The following ACTN2 variants were observed in gnomAD, a reference collection of about 807,000 sequenced individuals.
ACTN2 encodes alpha-actinin-2.
ACTN2 carries 39 observed loss-of-function variants against 113.8 expected under a neutral mutation model. That is an observed-to-expected ratio of 0.34 (90% CI 0.27 to 0.45). ACTN2 has a LOEUF of 0.45. ACTN2 is among the 20% of genes least tolerant of loss of function. The probability of loss-of-function intolerance (pLI) is 1.00; values close to 1 mark genes in which losing one functional copy is unlikely to be tolerated. For synonymous variants in ACTN2, 429 were observed against 444.1 expected, an observed-to-expected ratio of 0.97 and a Z score of 0.43; for missense variants, 992 against 1,177.9, an observed-to-expected ratio of 0.84 and a Z score of 2.31.
At position 236,762,819 on chromosome 1, in the gene ACTN2, A is replaced by C. The variant is rs919624008; in HGVS notation, c.*200A>C. 2.1e-5 allele frequency: 13 copies of C among 628,552 alleles called. No homozygotes were observed. Among genetic ancestry groups the C allele is most frequent in the African/African-American group, 1.3e-4 (7 of 54,388 alleles). 38.9% of individuals were successfully genotyped at this position (628,552 alleles called of 1,614,324 possible). A position where few individuals can be genotyped will look rare whatever the true frequency, so the allele number is the denominator to read the frequency against. ...TACAGTATATGACATAGTGCGCTTC[A>C]TAAATAGGTTTATTTCTGAGTTTTT... is the stretch of plus-strand genomic sequence containing the variant. On this transcript the variant is annotated 3_prime_UTR_variant, in exon 21 of 21. Coordinates refer to ENST00000366578, the MANE Select transcript of ACTN2 (RefSeq NM_001103.4).
chr1:236,715,928 C>T (rs754551184), intron 1 of ACTN2, among the ~76,000 whole-genome samples: 4 of 151,976 alleles, frequency 2.6e-5, no homozygotes, highest in East Asian at 1.9e-4. Flanking sequence ...TGCACTCCAG[C>T]CTGGAAGCAA....
intron 1 of ACTN2, among the ~76,000 whole-genome samples, chr1:236,707,709 CTTTTTTTT>C (rs5781919): frequency 3.8e-4 from 30 of 78,760 alleles, no homozygotes; most frequent in Non-Finnish European, 6.1e-4. Context: ...TCTTTTTTTT[CTTTTTTTT>C]TTTTTTTTTT....
Position 236,751,129 on chromosome 1 carries a change from A to G in ACTN2, c.1657-341A>G, listed in dbSNP as rs550339827. On this transcript the variant is annotated intron_variant, in intron 14 of 20. Coordinates refer to ENST00000366578, the MANE Select transcript of ACTN2 (RefSeq NM_001103.4). ...AAAAAAAAAAAAGGAAGTGCCGCTA[A>G]GTTAAGTTCTGCTCGTCAGCAGAAA... Among the ~76,000 whole-genome samples the G allele has an allele frequency of 1.3e-4, 20 of 149,812 alleles. 1 individual carries two copies. The South Asian group carries it at 3.4e-3, about 25-fold the overall frequency.
At chr1:236,695,563 T>TGTCCTC (rs1553296741) in intron 1 of ACTN2, among the ~76,000 whole-genome samples, 1 of 100,796 alleles carries the variant, frequency 9.9e-6, no homozygotes, top group African/African-American at 4.1e-5. Context: ...TGAAATGAGT[T>TGTCCTC]CCCCCCCCCT....
At chr1:236,704,801 C>A (rs1356299020) in intron 1 of ACTN2, among the ~76,000 whole-genome samples, 1 of 152,168 alleles carries the variant, frequency 6.6e-6, no homozygotes, top group Non-Finnish European at 1.5e-5. Flanking sequence ...AAGGAGACCT[C>A]ACTGGATAGG....
chr1:236,722,973 A>G (rs1658445749), intron 4 of ACTN2, among the ~76,000 whole-genome samples: 2 of 152,236 alleles, frequency 1.3e-5, no homozygotes, highest in South Asian at 4.1e-4. Flanking sequence ...TGATTGTAGT[A>G]ACCAATTGAA....
chr1:236,700,776 A>G (rs1194843114), intron 1 of ACTN2, among the ~76,000 whole-genome samples: 1 of 152,196 alleles, frequency 6.6e-6, no homozygotes, highest in Non-Finnish European at 1.5e-5. Context: ...TCTTCGGGAA[A>G]GGTTATTTTT....
intron 20 of ACTN2, 117 bp from the exon 21 acceptor site, chr1:236,762,344 C>T (rs1659731158): frequency 7.4e-7 from 1 of 1,359,068 alleles, no homozygotes; most frequent in African/African-American, 1.4e-5. Flanking sequence ...CAATAGACTC[C>T]CTATTCTTTA....
At chr1:236,705,221 A>T (rs10754581) in intron 1 of ACTN2, among the ~76,000 whole-genome samples, 131,431 of 151,670 alleles carry the variant, frequency 0.87, 57,705 homozygotes, top group South Asian at 0.94. Context: ...TATATATATA[A>T]AAAATATCAC....
chr1:236,718,322 T>C (rs886172605), intron 2 of ACTN2, among the ~76,000 whole-genome samples: 7 of 152,250 alleles, frequency 4.6e-5, no homozygotes, highest in Admixed American at 1.3e-4. Flanking sequence ...AAAAATCTAC[T>C]GTACATGTTG....
chr1:236,758,437 C>T (rs978152705), intron 18 of ACTN2, among the ~76,000 whole-genome samples: 4 of 151,076 alleles, frequency 2.6e-5, no homozygotes, highest in African/African-American at 9.8e-5. Flanking sequence ...AGGCACCTGC[C>T]ACCATGCCTG....
chr1:236,706,981 G>A (rs1257592133), intron 1 of ACTN2, among the ~76,000 whole-genome samples: 4 of 152,168 alleles, frequency 2.6e-5, no homozygotes, highest in Non-Finnish European at 4.4e-5. Context: ...CTGGGAAGCC[G>A]GTTGTGGGTC....
chr1:236,732,569 A>G (rs1214445648), intron 7 of ACTN2, among the ~76,000 whole-genome samples: 1 of 151,712 alleles, frequency 6.6e-6, no homozygotes, highest in African/African-American at 2.4e-5. Flanking sequence ...CAGCCTCCTG[A>G]GTAGCTGGGA....
At chr1:236,712,972 C>A (rs776374347) in intron 1 of ACTN2, among the ~76,000 whole-genome samples, 10 of 149,468 alleles carry the variant, frequency 6.7e-5, no homozygotes, top group Non-Finnish European at 1.5e-4. Context: ...CCCAAAAACT[C>A]AGGTATGTGA....
chr1:236,749,305 T>C, intron 14 of ACTN2, 41 bp downstream of exon 14: 1 of 1,612,786 alleles, frequency 6.2e-7, no homozygotes, highest in Non-Finnish European at 8.5e-7. Flanking sequence ...GCATTAGAAG[T>C]GAGTTGTCAT....
intron 6 of ACTN2, among the ~76,000 whole-genome samples, chr1:236,728,268 C>G (rs533971486): frequency 5.1e-4 from 78 of 151,946 alleles, no homozygotes; most frequent in Non-Finnish European, 8.4e-4. Flanking sequence ...CTCAGCCTCC[C>G]GAGTAACTGG....
At chr1:236,748,371 C>G (rs1659298290) in intron 13 of ACTN2, among the ~76,000 whole-genome samples, 1 of 152,000 alleles carries the variant, frequency 6.6e-6, no homozygotes, top group African/African-American at 2.4e-5. Flanking sequence ...ATCAAGCTTC[C>G]CAAATGCCAA....
rs369956166 is a variant in ACTN2 at position 236,742,891 on chromosome 1, C to T, written c.1108-5C>T. The T allele has an allele frequency of 1.2e-5, 19 of 1,614,074 alleles. No homozygotes were observed. The highest frequency in any genetic ancestry group is 6.8e-6 in the Non-Finnish European group (8 of 1,180,050). ...TTTGCTTCCCTTGGCTTCCAACCAT[C>T]CCAGGATATTGCTGGTGCCTGGCAG... On this transcript the variant is annotated splice_polypyrimidine_tract_variant and splice_region_variant and intron_variant, in intron 10 of 20. Transcript: ENST00000366578.
At chr1:236,705,549 T>C (rs1407551321) in intron 1 of ACTN2, among the ~76,000 whole-genome samples, 3 of 152,224 alleles carry the variant, frequency 2.0e-5, no homozygotes, top group Non-Finnish European at 2.9e-5. Context: ...CTTTGATTTA[T>C]TTGAATGTCT....
Sources: allele counts gnomAD v4.1 joint callset (sites outside exome capture counted in the v4.1 genomes callset), GRCh38; gene constraint gnomAD v4.1.1; transcripts MANE v1.5; gene names NCBI Gene and HGNC (gene_info 2026-07-23, HGNC 2026-07-21).